Variants in FBXO31 observed in about 807,000 individuals in gnomAD.
FBXO31 encodes F-box only protein 31.
FBXO31 carries 24 observed loss-of-function variants against 54.4 expected under a neutral mutation model. The ratio of observed to expected loss-of-function variants is 0.44; its 90% confidence interval spans 0.32 to 0.62. The LOEUF is 0.62. Among genes scored for constraint, FBXO31 ranks in the 20% least tolerant of loss-of-function variants. FBXO31 has a pLI of 0.05. For missense variants in FBXO31, 665 were observed against 787.1 expected, an observed-to-expected ratio of 0.84 and a Z score of 1.86; for synonymous variants, 388 against 335.6, an observed-to-expected ratio of 1.16 and a Z score of -1.71.
At chr16:87,390,625 G>T (rs1351806349), upstream of FBXO31, among the ~76,000 whole-genome samples, 1 of 152,016 alleles carries the variant, frequency 6.6e-6, no homozygotes, top group African/African-American at 2.4e-5. Context: ...ATTTTTAGTA[G>T]AGATGGGGGT....
intron 1 of FBXO31, among the ~76,000 whole-genome samples, chr16:87,375,653 C>G (rs1431247195): frequency 6.6e-6 from 1 of 152,146 alleles, no homozygotes; most frequent in Non-Finnish European, 1.5e-5. Context: ...GTGAAGGCTT[C>G]TTTATATTCC....
At chr16:87,391,120 G>A (rs79018114), upstream of FBXO31, among the ~76,000 whole-genome samples, 2,536 of 152,264 alleles carry the variant, frequency 0.017, 77 homozygotes, top group African/African-American at 0.057. Flanking sequence ...GGAGGCCGAG[G>A]CGGGAGGGTT....
At chr16:87,384,293 C>T (rs1907248309), upstream of FBXO31, 1 of 152,184 alleles carries the variant, frequency 6.6e-6, no homozygotes, top group Non-Finnish European at 1.5e-5. Context: ...TGAAACAACG[C>T]GCGTTCCATC....
intron 1 of FBXO31, among the ~76,000 whole-genome samples, chr16:87,380,026 G>A (rs1163877925): frequency 4.1e-5 from 6 of 144,610 alleles, no homozygotes; most frequent in Admixed American, 1.4e-4. Flanking sequence ...AAGGCCTGCC[G>A]CGGTGGCTCA....
rs144062312 is a variant in FBXO31 at position 87,334,008 on chromosome 16, G to A, written c.1275C>T (p.Gly425=). Residue 425 remains glycine, a synonymous_variant, in exon 8 of 9, where the codon GGC becomes GGT. Transcript: ENST00000311635. ...CCGCAGCTACGGCATCCCCAGGCTC[G>A]CCACCATCCTCACCAGGTGTCCCAT... The part of the protein sequence containing the change: ...GPDGTPGEDG[G]EPGDAVAAAE... 3.9e-5 allele frequency: 63 copies of A among 1,612,764 alleles called. No individual in the cohort carries two copies. In the African/African-American group the frequency reaches 6.9e-4, roughly 18 times the overall value.
chr16:87,390,661 C>T (rs1270280889), upstream of FBXO31, among the ~76,000 whole-genome samples: 1 of 151,992 alleles, frequency 6.6e-6, no homozygotes, highest in South Asian at 2.1e-4. Context: ...AGGCTGGTCT[C>T]GAACTCTTGA....
intron 5 of FBXO31, among the ~76,000 whole-genome samples, chr16:87,337,600 G>A (rs1459877835): frequency 2.0e-5 from 3 of 152,214 alleles, no homozygotes; most frequent in Non-Finnish European, 4.4e-5. Flanking sequence ...ACAGAGCCAG[G>A]AGCCCAGAAA....
At chr16:87,356,081 T>A (rs1029730768) in intron 2 of FBXO31, among the ~76,000 whole-genome samples, 18 of 151,614 alleles carry the variant, frequency 1.2e-4, no homozygotes, top group African/African-American at 3.6e-4. Flanking sequence ...ATACAAAAAT[T>A]AGCCGGGCGT....
chr16:87,358,234 G>A lies in FBXO31; in HGVS notation c.412+2061C>T, dbSNP rs1905983197. ...GGTCCAACACACAGGTGTGATCTCT[G>A]TCACAGCTGAAGCAGAGCCACGCTG... On this transcript the variant is annotated intron_variant, in intron 2 of 8. Transcript: ENST00000311635. The surrounding 1 kb of genome is among the most constrained non-coding windows in gnomAD (Gnocchi z 4.0). 6.6e-6 allele frequency among the ~76,000 whole-genome samples: 1 copy of A among 152,106 alleles called. No individual in the cohort carries two copies. The highest frequency in any genetic ancestry group is 2.4e-5 in the African/African-American group (1 of 41,386).
At chr16:87,368,943 G>A (rs1480562580) in intron 1 of FBXO31, among the ~76,000 whole-genome samples, 1 of 152,004 alleles carries the variant, frequency 6.6e-6, no homozygotes, top group African/African-American at 2.4e-5. Flanking sequence ...GGGATTACAC[G>A]TGCCCGCCAC....
chr16:87,372,425 C>G (rs971534120), intron 1 of FBXO31, among the ~76,000 whole-genome samples: 2 of 152,172 alleles, frequency 1.3e-5, no homozygotes, highest in African/African-American at 4.8e-5. Flanking sequence ...AGGACACGGG[C>G]CAGTGTTCCC....
rs544037262 is a variant in FBXO31 at position 87,345,223 on chromosome 16, G to C, written c.490-1458C>G. ...GATTTTCAACACAGCAAGAACGATG[G>C]CAACAGTGACACCTCAGGGGCCAGC... is the stretch of plus-strand genomic sequence containing the variant. On this transcript the variant is annotated intron_variant, in intron 3 of 8. Transcript: ENST00000311635. The surrounding 1 kb of genome is among the most constrained non-coding windows in gnomAD (Gnocchi z 4.9). 6.6e-6 allele frequency among the ~76,000 whole-genome samples: 1 copy of C among 152,102 alleles called. No homozygotes were observed. Among genetic ancestry groups the C allele is most frequent in the Non-Finnish European group, 1.5e-5 (1 of 68,022 alleles).
chr16:87,341,803 C>T lies in FBXO31; in HGVS notation c.732+1074G>A, dbSNP rs187846170. Among the ~76,000 whole-genome samples the T allele has an allele frequency of 4.6e-3, 697 of 151,938 alleles. 4 individuals are homozygous for T. Among genetic ancestry groups the T allele is most frequent in the Middle Eastern group, 0.014 (4 of 294 alleles). ...TTCACATGCCATCTATTCAAGAAAA[C>T]AGGAACGTCACTTACTTGCAAAGAA... On this transcript the variant is annotated intron_variant, in intron 5 of 8. Transcript: ENST00000311635.
Position 87,335,458 on chromosome 16 carries a change from C to G in FBXO31, c.843-1G>C. 1.3e-6 allele frequency: 2 copies of G among 1,598,816 alleles called. No homozygotes were observed. The highest frequency in any genetic ancestry group is 1.7e-6 in the Non-Finnish European group (2 of 1,171,440). ...GATGCGGCGGTAGGTCAGGCAGTTG[C>G]TGTGGGGAGCGGACGGGTCAGTACA... On this transcript the variant is annotated splice_acceptor_variant, in intron 6 of 8. Coordinates refer to ENST00000311635, the MANE Select transcript of FBXO31 (RefSeq NM_024735.5). LOFTEE classifies it high-confidence loss of function. The surrounding 1 kb of genome is among the most constrained non-coding windows in gnomAD (Gnocchi z 5.7).
intron 1 of FBXO31, among the ~76,000 whole-genome samples, chr16:87,378,116 G>A (rs533332387): frequency 6.6e-6 from 1 of 150,388 alleles, no homozygotes; most frequent in African/African-American, 2.4e-5. Flanking sequence ...CCAAGATAGC[G>A]CCATTGCACT....
At chr16:87,384,924 C>T (rs1014074609), upstream of FBXO31, among the ~76,000 whole-genome samples, 1 of 151,882 alleles carries the variant, frequency 6.6e-6, no homozygotes, top group African/African-American at 2.4e-5. Context: ...TCTGTAATCC[C>T]AGCACTTTGG....
intron 8 of FBXO31, among the ~76,000 whole-genome samples, chr16:87,332,792 C>T (rs1436087134): frequency 1.3e-5 from 2 of 151,610 alleles, no homozygotes; most frequent in Non-Finnish European, 2.9e-5. Flanking sequence ...GGAAGTTTAG[C>T]GGGAAATACA....
chr16:87,363,340 C>T lies in FBXO31; in HGVS notation c.341-2974G>A, dbSNP rs543783905. 8.5e-5 allele frequency among the ~76,000 whole-genome samples: 13 copies of T among 152,236 alleles called. No individual in the cohort carries two copies. In the South Asian group the frequency reaches 2.5e-3, roughly 29 times the overall value. On this transcript the variant is annotated intron_variant, in intron 1 of 8. Coordinates refer to ENST00000311635, the MANE Select transcript of FBXO31 (RefSeq NM_024735.5). ...CAGAGGTGGCAGTGAGCCAAGATCG[C>T]ACCACTGCACTACAGCCTGGGCAAC...
At chr16:87,356,081 T>C (rs1029730768) in intron 2 of FBXO31, among the ~76,000 whole-genome samples, 1 of 151,616 alleles carries the variant, frequency 6.6e-6, no homozygotes, top group African/African-American at 2.4e-5. Flanking sequence ...ATACAAAAAT[T>C]AGCCGGGCGT....
Sources: gnomAD v4.1 joint callset for allele counts (sites outside exome capture counted in the v4.1 genomes callset) on GRCh38, gnomAD v4.1.1 for gene constraint, Gnocchi (gnomAD v3.1) non-coding constraint, MANE v1.5 for transcripts, NCBI Gene and HGNC (gene_info 2026-07-23, HGNC 2026-07-21) for gene names.